The following SETD2 variants were observed in gnomAD, a reference collection of about 807,000 sequenced individuals.
SETD2 encodes the protein SET domain containing 2, histone lysine methyltransferase, also known as histone-lysine N-methyltransferase SETD2.
In SETD2, 31 loss-of-function variants were observed where a neutral mutation model predicts 242.1. That is an observed-to-expected ratio of 0.13 (90% CI 0.10 to 0.17). SETD2 has a LOEUF of 0.17. Among genes scored for constraint, SETD2 ranks in the 10% least tolerant of loss-of-function variants. The probability of loss-of-function intolerance (pLI) is 1.00; values close to 1 mark genes in which losing one functional copy is unlikely to be tolerated. For missense variants in SETD2, 2,481 were observed against 3,046.3 expected (o/e 0.81, Z 4.37); for synonymous variants, 1,006 against 1,066.5 (o/e 0.94, Z 1.11).
chr3:47,017,709 G>A lies in SETD2; in HGVS notation c.7462C>T (p.Pro2488Ser), dbSNP rs2107488226. ...ACTTTGCAGTCAGGTTTCCGGTAAG[G>A]GTTCAGGCACTGGACGATGAACTGG... The part of the protein sequence containing the change: ...MSQFIVQCLN[P>S]YRKPDCKVGR... The change falls in exon 20 of 21, where the codon CCT becomes TCT. Residue 2488 changes from proline (P) to serine (S), a missense_variant. Pro to Ser is a moderately conservative substitution (Grantham distance 74). Around this residue, in one of 17 missense-constraint regions of SETD2, gnomAD observed 40 missense variants for 89.5 expected, o/e 0.45. Transcript: ENST00000409792. The surrounding 1 kb of genome is among the most constrained non-coding windows in gnomAD (Gnocchi z 4.8). 6.2e-7 allele frequency: 1 copy of A among 1,613,946 alleles called. No homozygotes were observed. Among genetic ancestry groups the A allele is most frequent in the Non-Finnish European group, 8.5e-7 (1 of 1,179,836 alleles).
intron 18 of SETD2, among the ~76,000 whole-genome samples, chr3:47,033,652 A>ATTTTTT (rs34978514): frequency 1.8e-4 from 16 of 90,856 alleles, no homozygotes; most frequent in African/African-American, 2.7e-4. Flanking sequence ...TCATGGTTTG[A>ATTTTTT]TTTTTTTTTT....
chr3:47,129,028 T>C (rs2043416566), intron 1 of SETD2, among the ~76,000 whole-genome samples: 1 of 152,088 alleles, frequency 6.6e-6, no homozygotes, highest in Admixed American at 6.5e-5. Context: ...GACAGGCAGA[T>C]GAAAAGAATA....
At chr3:47,065,259 G>C (rs75241147) in intron 13 of SETD2, among the ~76,000 whole-genome samples, 6 of 152,104 alleles carry the variant, frequency 3.9e-5, no homozygotes, top group African/African-American at 1.4e-4. Flanking sequence ...AAACCAGAGA[G>C]TGGAACTAAA....
In SETD2 at chr3:47,016,515, A is replaced by G. The variant is rs558203930; in HGVS notation, c.*578T>C. On this transcript the variant is annotated 3_prime_UTR_variant, in exon 21 of 21. Coordinates refer to ENST00000409792, the MANE Select transcript of SETD2 (RefSeq NM_014159.7). Reference sequence around the variant, plus strand: ...GTAAAGTGATTTTAAGCAGTAAATCAATCTTATCAACATAGCACAAGGCTG... The same window carrying G: ...GTAAAGTGATTTTAAGCAGTAAATCGATCTTATCAACATAGCACAAGGCTG... 5 of 233,590 alleles carry G rather than the reference A, an allele frequency of 2.1e-5. No individual in the cohort carries two copies. The highest frequency in any genetic ancestry group is 3.6e-4 in the South Asian group (2 of 5,526). The allele number at this position is 233,590 out of a possible 1,614,324, so 14.5% of individuals were successfully genotyped here.
chr3:47,135,979 T>C (rs2043581763), intron 1 of SETD2, among the ~76,000 whole-genome samples: 1 of 152,072 alleles, frequency 6.6e-6, no homozygotes, highest in African/African-American at 2.4e-5. Context: ...CAGTTTTTCC[T>C]CCTCCCCTCA....
At position 47,113,880 on chromosome 3, in the gene SETD2, GA is replaced by G; in HGVS notation, c.4710del (p.Pro1571LeufsTer7). 1 of 1,604,380 alleles carries G rather than the reference GA, an allele frequency of 6.2e-7. No homozygotes were observed. The highest frequency in any genetic ancestry group is 1.1e-5 in the South Asian group (1 of 89,734). ...GGTAATTAAAAAAGAACTTACGAAG[GA>G]AGGTCTTTGGCAGCTCTCAAGCCCC... ...KGWGLRAAKDLPSNTFVLEYC... is the reference protein window; with the variant it reads ...KGWGLRAAKDXPSNTFVLEYC... On this transcript the variant is annotated frameshift_variant, in exon 5 of 21. Coordinates refer to ENST00000409792, the MANE Select transcript of SETD2 (RefSeq NM_014159.7). LOFTEE classifies it high-confidence loss of function.
At chr3:47,096,468 A>G (rs1559715021) in intron 9 of SETD2, among the ~76,000 whole-genome samples, 3 of 151,420 alleles carry the variant, frequency 2.0e-5, no homozygotes, top group African/African-American at 7.3e-5. Context: ...GCACTTTGGG[A>G]GGCCAAGGCG....
intron 1 of SETD2, among the ~76,000 whole-genome samples, chr3:47,135,569 G>A (rs921513423): frequency 3.3e-5 from 5 of 152,186 alleles, no homozygotes; most frequent in African/African-American, 1.2e-4. Flanking sequence ...AGCCAGTACA[G>A]GCACGCCTGG....
intron 1 of SETD2, among the ~76,000 whole-genome samples, chr3:47,139,843 G>GT (rs1351686807): frequency 6.6e-6 from 1 of 152,166 alleles, no homozygotes; most frequent in Non-Finnish European, 1.5e-5. Flanking sequence ...GCACTTTGGA[G>GT]TAAGTATGCT....
intron 1 of SETD2, among the ~76,000 whole-genome samples, chr3:47,141,268 A>G (rs1384220777): frequency 6.6e-6 from 1 of 152,094 alleles, no homozygotes; most frequent in African/African-American, 2.4e-5. Context: ...TCAGCCTCCC[A>G]AAGTGCTGGG....
In SETD2 at chr3:47,064,817, A is replaced by AATTATAAGCATTATAT. The variant is rs2040490791; in HGVS notation, c.6109+2237_6109+2252dup. Among the ~76,000 whole-genome samples, 6 of 148,166 alleles carry AATTATAAGCATTATAT rather than the reference A, an allele frequency of 4.0e-5. No homozygotes were observed. The South Asian group carries it at 1.3e-3, about 31-fold the overall frequency. On this transcript the variant is annotated intron_variant, in intron 13 of 20. Coordinates refer to ENST00000409792, the MANE Select transcript of SETD2 (RefSeq NM_014159.7). ...AATATAATATATAAAAATATAAAAT[A>AATTATAAGCATTATAT]ATTATAAGCATTATATATTATAAGC...
At position 47,083,928 on chromosome 3, in the gene SETD2, G is replaced by A; in HGVS notation, c.5852C>T (p.Thr1951Ile). ...ETNIEASKLP[T>I]SEPEADAEIE... Reference sequence around the variant, plus strand: ...TTCAGCGTCAGCTTCTGGTTCAGATGTAGGTAGCTTACTAGCTTCTATGTT... The same window carrying A: ...TTCAGCGTCAGCTTCTGGTTCAGATATAGGTAGCTTACTAGCTTCTATGTT... The change falls in exon 12 of 21, where the codon ACA (threonine) becomes ATA (isoleucine). Residue 1951 changes from threonine to isoleucine, a missense_variant. Physicochemically the swap from Thr to Ile is moderately conservative, Grantham distance 89. This residue lies in a region of SETD2 where 203 missense variants were observed against 222.4 expected (regional missense o/e 0.91). Transcript: ENST00000409792. 1.9e-6 allele frequency: 3 copies of A among 1,614,156 alleles called. No individual in the cohort carries two copies. The highest frequency in any genetic ancestry group is 2.5e-6 in the Non-Finnish European group (3 of 1,180,004).
At chr3:47,115,461 G>A (rs2042816142) in intron 4 of SETD2, among the ~76,000 whole-genome samples, 1 of 151,804 alleles carries the variant, frequency 6.6e-6, no homozygotes, top group African/African-American at 2.4e-5. Context: ...TCTCTAGTTT[G>A]GATAAAAGAA....
At chr3:47,066,297 C>T (rs1397954257) in intron 13 of SETD2, among the ~76,000 whole-genome samples, 1 of 152,054 alleles carries the variant, frequency 6.6e-6, no homozygotes, top group East Asian at 1.9e-4. Context: ...GTATCTGTAT[C>T]TCCTATGTTG....
intron 12 of SETD2, among the ~76,000 whole-genome samples, chr3:47,075,633 C>T (rs1378128423): frequency 6.8e-6 from 1 of 147,658 alleles, no homozygotes; most frequent in African/African-American, 2.5e-5. Flanking sequence ...ATTGCATGAA[C>T]TGCCTAGAAA....
chr3:47,071,300 T>C (rs920287073), intron 12 of SETD2, among the ~76,000 whole-genome samples: 16 of 152,234 alleles, frequency 1.1e-4, no homozygotes, highest in African/African-American at 3.9e-4. Context: ...ACACTCAAGC[T>C]ATAATTATTA....
Position 47,084,236 on chromosome 3 carries a change from T to C in SETD2, c.5544A>G (p.Thr1848=), listed in dbSNP as rs770995434. Residue 1848 remains threonine, a synonymous_variant, in exon 12 of 21, where the codon ACA becomes ACG. Transcript: ENST00000409792. ...TGTTGAGTGGTGTATGAGCACGCGA[T>C]GTATTCTCACTAGAATACCCATCTC... ...SEGDGYSSEN[T]SRAHTPLNTP... is the part of the protein sequence containing the mutation. The C allele has an allele frequency of 6.8e-6, 11 of 1,614,008 alleles. No individual in the cohort carries two copies. Among genetic ancestry groups the C allele is most frequent in the Admixed American group, 3.3e-5 (2 of 59,968 alleles).
rs775304721 is a variant in SETD2 at position 47,116,716 on chromosome 3, T to G, written c.4493A>C (p.Gln1498Pro). The change falls in exon 4 of 21, where the codon CAG becomes CCG. Residue 1498 changes from glutamine to proline, a missense_variant. Gln to Pro is a moderately conservative substitution (Grantham distance 76). This residue lies in a region of SETD2 where 48 missense variants were observed against 76.6 expected (regional missense o/e 0.63). Coordinates refer to ENST00000409792, the MANE Select transcript of SETD2 (RefSeq NM_014159.7). ...NKSHRDIKRM[Q>P]CECTPLSKDE... ...TTTAGAAAGAGGTGTACACTCACAC[T>G]GCATTCGCTTAATATCTCGATGAGA... The G allele has an allele frequency of 6.2e-7, 1 of 1,606,986 alleles. No homozygotes were observed. The highest frequency in any genetic ancestry group is 1.1e-5 in the South Asian group (1 of 90,792).
chr3:47,101,600 G>A (rs201639815), intron 7 of SETD2, 45 bp from the exon 8 acceptor site: 23 of 458,572 alleles, frequency 5.0e-5, no homozygotes, highest in African/African-American at 2.8e-4. Flanking sequence ...ACTTATTAGT[G>A]TGTGTGTGTG....
Sources: gnomAD v4.1 joint callset for allele counts (sites outside exome capture counted in the v4.1 genomes callset) on GRCh38, gnomAD v4.1.1 for gene constraint, gnomAD v4.1.1 regional missense constraint, Gnocchi (gnomAD v3.1) non-coding constraint, MANE v1.5 for transcripts, NCBI Gene and HGNC (gene_info 2026-07-23, HGNC 2026-07-21) for gene names.